The following CASK variants were observed in gnomAD, a reference collection of about 807,000 sequenced individuals.
CASK encodes the protein peripheral plasma membrane protein CASK.
Under a neutral mutation model 82.9 loss-of-function variants are expected in CASK, and 4 were observed. The observed-to-expected ratio is 0.05, with a 90% CI of 0.02 to 0.11. CASK has a LOEUF of 0.11. Among genes scored for constraint, CASK ranks in the 10% least tolerant of loss-of-function variants. The pLI is 1.00. For synonymous variants in CASK, 259 were observed against 253.5 expected (o/e 1.02, Z -0.20); for missense variants, 358 against 720.9 (o/e 0.50, Z 5.76).
chrX:41,797,243 C>T (rs1030454927), intron 2 of CASK, among the ~76,000 whole-genome samples: 2 of 109,528 alleles, frequency 1.8e-5, no homozygotes, highest in Non-Finnish European at 3.8e-5. Context: ...GCAGCTTGTG[C>T]ACCGGCCCCC....
At chrX:41,549,224 T>C (rs1051729972) in intron 21 of CASK, among the ~76,000 whole-genome samples, 11 of 111,891 alleles carry the variant, frequency 9.8e-5, no homozygotes, top group African/African-American at 3.6e-4. Flanking sequence ...GCTGATACAA[T>C]TGTTTCAAAT....
intron 2 of CASK, among the ~76,000 whole-genome samples, chrX:41,798,300 G>A (rs1371317135): frequency 8.9e-6 from 1 of 111,958 alleles, no homozygotes; most frequent in African/African-American, 3.2e-5. Flanking sequence ...GTTTCACCAA[G>A]GTCTCTGGCT....
At chrX:41,555,943 T>C (rs2065155399) in intron 19 of CASK, 1 of 210,411 alleles carries the variant, frequency 4.8e-6, no homozygotes, top group Non-Finnish European at 8.7e-6. Context: ...AAAAAATAAA[T>C]AAAAGGAGCT....
chrX:41,866,223 G>C (rs995924897), intron 1 of CASK, among the ~76,000 whole-genome samples: 1 of 112,607 alleles, frequency 8.9e-6, no homozygotes, highest in African/African-American at 3.2e-5. Flanking sequence ...GGCCATAATG[G>C]GGACAGATCA....
intron 14 of CASK, among the ~76,000 whole-genome samples, chrX:41,581,191 C>A (rs1325018042): frequency 9.0e-6 from 1 of 110,535 alleles, no homozygotes; most frequent in African/African-American, 3.3e-5. Flanking sequence ...CCAGTCTGGG[C>A]AACAAAGTGA....
intron 5 of CASK, among the ~76,000 whole-genome samples, chrX:41,686,328 T>C (rs960893195): frequency 1.8e-5 from 2 of 110,555 alleles, no homozygotes; most frequent in Non-Finnish European, 3.8e-5. Flanking sequence ...GACCCTCAGG[T>C]GATCTGCCCG....
rs145607474 is a variant in CASK at position 41,546,264 on chromosome X, G to C, written c.2040-3458C>G. On this transcript the variant is annotated intron_variant, in intron 21 of 26. Coordinates refer to ENST00000378163, the MANE Select transcript of CASK (RefSeq NM_001367721.1). ...TGCTGAGATTACAGGTGTGAGCCAC[G>C]GAGCCTGGCCTAATTTTTGTATTTT... Among the ~76,000 whole-genome samples, 604 of 108,968 alleles carry C rather than the reference G, an allele frequency of 5.5e-3. 5 individuals are homozygous for C. The highest frequency in any genetic ancestry group is 0.019 in the African/African-American group (579 of 29,943). The allele number at this position is 108,968 out of a possible 115,157, so 94.6% of individuals were successfully genotyped here. A position where few individuals can be genotyped will look rare whatever the true frequency, so the allele number is the denominator to read the frequency against.
At chrX:41,911,132 A>C (rs1446928489) in intron 1 of CASK, among the ~76,000 whole-genome samples, 1 of 111,747 alleles carries the variant, frequency 8.9e-6, no homozygotes, top group Non-Finnish European at 1.9e-5. Flanking sequence ...ATTTTTAAAA[A>C]ATTTATTAAA....
At chrX:41,644,787 T>C (rs2066727089) in intron 8 of CASK, among the ~76,000 whole-genome samples, 2 of 111,790 alleles carry the variant, frequency 1.8e-5, no homozygotes, top group African/African-American at 3.2e-5. Context: ...TGAGGCGTAC[T>C]TGTCTCTTAT....
At chrX:41,659,904 G>A (rs1322461235) in intron 8 of CASK, among the ~76,000 whole-genome samples, 2 of 108,764 alleles carry the variant, frequency 1.8e-5, no homozygotes, top group Non-Finnish European at 3.8e-5. Context: ...GGAGGTTAAA[G>A]TGGGAGGATC....
At chrX:41,920,272 AGG>A (rs2072761048) in intron 1 of CASK, among the ~76,000 whole-genome samples, 1 of 112,301 alleles carries the variant, frequency 8.9e-6, no homozygotes, top group African/African-American at 3.2e-5. Flanking sequence ...AATATCTTCA[AGG>A]GCTTTCTGTT....
intron 2 of CASK, among the ~76,000 whole-genome samples, chrX:41,814,487 G>A (rs892718653): frequency 4.6e-5 from 5 of 108,358 alleles, no homozygotes; most frequent in African/African-American, 3.4e-5. Flanking sequence ...GCAAACTATC[G>A]CAAGGACAAA....
chrX:41,792,575 C>T (rs958272560), intron 2 of CASK, among the ~76,000 whole-genome samples: 1 of 110,987 alleles, frequency 9.0e-6, no homozygotes, highest in Non-Finnish European at 1.9e-5. Context: ...CAGGTGTGAG[C>T]CACTGCACCT....
intron 16 of CASK, among the ~76,000 whole-genome samples, chrX:41,566,477 C>T (rs1374474212): frequency 9.0e-6 from 1 of 111,455 alleles, no homozygotes; most frequent in Non-Finnish European, 1.9e-5. Flanking sequence ...AGTGAACTCC[C>T]ATTCACAATT....
intron 3 of CASK, among the ~76,000 whole-genome samples, chrX:41,785,890 G>A (rs1569448402): frequency 9.0e-6 from 1 of 111,606 alleles, no homozygotes; most frequent in South Asian, 3.8e-4. Flanking sequence ...ATTAGGTTAC[G>A]AGACTGTGAC....
At chrX:41,543,924 CTG>C (rs1356594362) in intron 21 of CASK, among the ~76,000 whole-genome samples, 2 of 112,209 alleles carry the variant, frequency 1.8e-5, no homozygotes, top group Non-Finnish European at 1.9e-5. Flanking sequence ...TGGAATACCA[CTG>C]TGTTTTTAAT....
At chrX:41,741,508 C>G (rs1418715736) in intron 4 of CASK, among the ~76,000 whole-genome samples, 1 of 111,778 alleles carries the variant, frequency 8.9e-6, no homozygotes, top group African/African-American at 3.3e-5. Context: ...AGACAGCCAC[C>G]TAAATTATCT....
chrX:41,870,486 C>T (rs749910170), intron 1 of CASK, among the ~76,000 whole-genome samples: 17 of 111,782 alleles, frequency 1.5e-4, no homozygotes, highest in Admixed American at 1.0e-3. Flanking sequence ...AAAACTACCC[C>T]GGATAGAAAG....
intron 3 of CASK, among the ~76,000 whole-genome samples, chrX:41,752,404 C>T (rs780900882): frequency 1.2e-4 from 13 of 109,870 alleles, no homozygotes; most frequent in Non-Finnish European, 2.1e-4. Context: ...TATTCTTCTG[C>T]GTCAGCCTCC....
Sources: gnomAD v4.1 joint callset for allele counts (sites outside exome capture counted in the v4.1 genomes callset) on GRCh38, gnomAD v4.1.1 for gene constraint, MANE v1.5 for transcripts, NCBI Gene and HGNC (gene_info 2026-07-23, HGNC 2026-07-21) for gene names.